The following PDE4B variants were observed in gnomAD, a reference collection of about 807,000 sequenced individuals.
PDE4B encodes phosphodiesterase 4B.
PDE4B carries 20 observed loss-of-function variants against 82.2 expected under a neutral mutation model. The ratio of observed to expected loss-of-function variants is 0.24; its 90% CI spans 0.17 to 0.35. The LOEUF is 0.35. PDE4B is among the 10% of genes least tolerant of loss of function. The pLI is 1.00. For missense variants in PDE4B, 655 were observed against 907.2 expected, an observed-to-expected ratio of 0.72 and a Z score of 3.57; for synonymous variants, 320 against 318.9, an observed-to-expected ratio of 1.00 and a Z score of -0.04.
At chr1:66,335,753 T>C (rs1660468092) in intron 8 of PDE4B, among the ~76,000 whole-genome samples, 1 of 152,190 alleles carries the variant, frequency 6.6e-6, no homozygotes, top group Admixed American at 6.5e-5. Context: ...AAGGCAATGG[T>C]ATTGTTATTT....
intron 9 of PDE4B, among the ~76,000 whole-genome samples, chr1:66,358,721 G>C (rs188559071): frequency 6.6e-6 from 1 of 151,046 alleles, no homozygotes; most frequent in Non-Finnish European, 1.5e-5. Context: ...AATATAAAAG[G>C]TTCCTGTAAG....
At chr1:66,119,484 A>T (rs1309388016) in intron 3 of PDE4B, among the ~76,000 whole-genome samples, 1 of 117,854 alleles carries the variant, frequency 8.5e-6, no homozygotes, top group Non-Finnish European at 1.7e-5. Context: ...GCGTGTATTC[A>T]CTTCCCAGGA....
At chr1:66,134,286 C>T (rs1297086859) in intron 3 of PDE4B, among the ~76,000 whole-genome samples, 1 of 152,160 alleles carries the variant, frequency 6.6e-6, no homozygotes, top group Non-Finnish European at 1.5e-5. Context: ...ATTATGTGGT[C>T]ATTTAAAAAC....
intron 3 of PDE4B, among the ~76,000 whole-genome samples, chr1:65,965,657 T>A (rs1284930640): frequency 6.6e-6 from 1 of 152,016 alleles, no homozygotes; most frequent in Non-Finnish European, 1.5e-5. Context: ...AATTAATAGA[T>A]CAAGGTAAAA....
At chr1:66,024,069 T>A (rs1653299223) in intron 3 of PDE4B, among the ~76,000 whole-genome samples, 1 of 152,150 alleles carries the variant, frequency 6.6e-6, no homozygotes, top group Non-Finnish European at 1.5e-5. Flanking sequence ...CTACTTTTCA[T>A]ATTCCAGCCA....
intron 3 of PDE4B, among the ~76,000 whole-genome samples, chr1:66,061,343 T>C (rs1473332784): frequency 1.3e-5 from 2 of 151,616 alleles, no homozygotes; most frequent in African/African-American, 2.4e-5. Flanking sequence ...GTTATCCAAA[T>C]GCCCATGCTT....
chr1:65,980,095 G>A (rs967285378), intron 3 of PDE4B, among the ~76,000 whole-genome samples: 7 of 152,080 alleles, frequency 4.6e-5, no homozygotes, highest in East Asian at 1.9e-4. Context: ...GCCATGAGAC[G>A]GGTGCCACAA....
At chr1:66,253,492 G>A (rs1363235443) in intron 4 of PDE4B, among the ~76,000 whole-genome samples, 1 of 152,174 alleles carries the variant, frequency 6.6e-6, no homozygotes, top group Non-Finnish European at 1.5e-5. Context: ...GTAATGTGCT[G>A]GCTTTGTCAC....
At chr1:66,148,984 G>C (rs1338551041) in intron 3 of PDE4B, among the ~76,000 whole-genome samples, 3 of 152,106 alleles carry the variant, frequency 2.0e-5, no homozygotes, top group African/African-American at 7.2e-5. Flanking sequence ...ACAAGTTTTT[G>C]TATATAACTA....
At chr1:66,122,796 C>T (rs1645740604) in intron 3 of PDE4B, among the ~76,000 whole-genome samples, 1 of 145,736 alleles carries the variant, frequency 6.9e-6, no homozygotes, top group South Asian at 2.2e-4. Flanking sequence ...ACCTCTGCTT[C>T]CCGGATTCAA....
chr1:66,211,504 C>T (rs1650046651), intron 3 of PDE4B, among the ~76,000 whole-genome samples: 1 of 152,104 alleles, frequency 6.6e-6, no homozygotes, highest in Admixed American at 6.6e-5. Flanking sequence ...TATCTATGCT[C>T]CTATCTAAGG....
At chr1:65,898,182 G>A (rs755644834) in intron 1 of PDE4B, among the ~76,000 whole-genome samples, 6 of 150,754 alleles carry the variant, frequency 4.0e-5, no homozygotes, top group Middle Eastern at 3.4e-3. Context: ...TAATGGGGTC[G>A]TTTTTTGCTT....
At chr1:65,891,658 ATTTG>A (rs1046661236) in intron 1 of PDE4B, among the ~76,000 whole-genome samples, 2 of 152,162 alleles carry the variant, frequency 1.3e-5, no homozygotes, top group Admixed American at 1.3e-4. Context: ...TAGTTATTTC[ATTTG>A]TTTGATATTT....
chr1:66,021,621 G>A (rs1653119413), intron 3 of PDE4B, among the ~76,000 whole-genome samples: 1 of 151,788 alleles, frequency 6.6e-6, no homozygotes, highest in South Asian at 2.1e-4. Flanking sequence ...AAGATCAGAT[G>A]GTTGTAGAGG....
intron 1 of PDE4B, among the ~76,000 whole-genome samples, chr1:65,857,141 G>T (rs1300790918): frequency 6.6e-6 from 1 of 152,178 alleles, no homozygotes; most frequent in African/African-American, 2.4e-5. Context: ...CCAGTTTGAT[G>T]TTGGCAGAGT....
intron 8 of PDE4B, among the ~76,000 whole-genome samples, chr1:66,340,017 A>C (rs1660855508): frequency 6.6e-6 from 1 of 152,226 alleles, no homozygotes; most frequent in Non-Finnish European, 1.5e-5. Context: ...TAGCTCAGAC[A>C]TCTGGAAGCC....
chr1:65,892,957 T>G (rs1557802431), intron 1 of PDE4B, among the ~76,000 whole-genome samples: 1 of 152,024 alleles, frequency 6.6e-6, no homozygotes, highest in Non-Finnish European at 1.5e-5. Flanking sequence ...TGAAAATAAA[T>G]AAATAAATAA....
chr1:65,944,961 T>C (rs1469746551), intron 3 of PDE4B, among the ~76,000 whole-genome samples: 3 of 151,940 alleles, frequency 2.0e-5, no homozygotes. Flanking sequence ...GTTAACATAT[T>C]CTCTGGGATA....
intron 3 of PDE4B, among the ~76,000 whole-genome samples, chr1:66,215,833 A>G (rs1233067414): frequency 6.6e-6 from 1 of 152,170 alleles, no homozygotes; most frequent in Non-Finnish European, 1.5e-5. Flanking sequence ...GGGATGATAC[A>G]TCCCCAGACT....
Sources: allele counts gnomAD v4.1 joint callset (sites outside exome capture counted in the v4.1 genomes callset), GRCh38; gene constraint gnomAD v4.1.1; transcripts MANE v1.5; gene names NCBI Gene and HGNC (gene_info 2026-07-23, HGNC 2026-07-21).